The following KIF21A variants were observed in gnomAD, a reference collection of about 807,000 sequenced individuals.
KIF21A encodes the protein kinesin family member 21A, also known as kinesin-like protein KIF21A.
A neutral mutation model predicts 202.9 loss-of-function variants in KIF21A; 114 were observed. The ratio of observed to expected loss-of-function variants is 0.56; its 90% CI spans 0.48 to 0.66. The LOEUF is 0.66. KIF21A is among the 30% of genes least tolerant of loss of function. The pLI is 0.00. For missense variants in KIF21A, 1,677 were observed against 1,994.9 expected, an observed-to-expected ratio of 0.84 and a Z score of 3.04; for synonymous variants, 667 against 670.8, an observed-to-expected ratio of 0.99 and a Z score of 0.09.
intron 29 of KIF21A, among the ~76,000 whole-genome samples, chr12:39,316,370 A>G (rs1275931662): frequency 1.4e-4 from 19 of 140,684 alleles, no homozygotes; most frequent in Admixed American, 1.3e-3. Flanking sequence ...ATTCACCTTG[A>G]TAATTATCAC....
At chr12:39,416,675 A>G (rs1179076629) in intron 1 of KIF21A, among the ~76,000 whole-genome samples, 3 of 131,116 alleles carry the variant, frequency 2.3e-5, no homozygotes, top group Non-Finnish European at 4.6e-5. Context: ...ATATATGTAC[A>G]TATATATGTG....
chr12:39,372,244 G>C (rs1950014374), intron 1 of KIF21A, among the ~76,000 whole-genome samples: 1 of 152,172 alleles, frequency 6.6e-6, no homozygotes, highest in Admixed American at 6.5e-5. Flanking sequence ...AATTTTGTAT[G>C]CCTCAAAAAT....
At chr12:39,404,704 T>C (rs1356834269) in intron 1 of KIF21A, among the ~76,000 whole-genome samples, 3 of 152,172 alleles carry the variant, frequency 2.0e-5, no homozygotes, top group South Asian at 2.1e-4. Context: ...ATAATCATAA[T>C]CAATGCAAAT....
At chr12:39,339,094 T>C (rs570803768) in intron 16 of KIF21A, among the ~76,000 whole-genome samples, 19 of 151,996 alleles carry the variant, frequency 1.3e-4, no homozygotes, top group African/African-American at 4.1e-4. Flanking sequence ...GCCTGACCAA[T>C]ATGGTGAAAC....
intron 1 of KIF21A, among the ~76,000 whole-genome samples, chr12:39,411,048 T>C (rs1953043286): frequency 6.6e-6 from 1 of 152,212 alleles, no homozygotes; most frequent in Non-Finnish European, 1.5e-5. Context: ...CCTGCCTCTC[T>C]TCAAGGCCTA....
In KIF21A at chr12:39,363,194, A is replaced by G; in HGVS notation, c.923T>C (p.Ile308Thr). ...NCGLLALGNV[I>T]SALGDKSKRA... is the part of the protein sequence containing the mutation. ...CTTGCTCTTGTCTCCCAAGGCACTT[A>G]TTACATTGCCAAGTGCCAACTAAAA... Residue 308 changes from isoleucine to threonine, a missense_variant, in exon 7 of 38, where the codon ATA becomes ACA. Physicochemically the swap from Ile to Thr is moderately conservative, Grantham distance 89. Around this residue, in one of 3 missense-constraint regions of KIF21A, gnomAD observed 966 missense variants for 1,180.9 expected, o/e 0.82. Coordinates refer to ENST00000361418, the MANE Select transcript of KIF21A (RefSeq NM_001173464.2). 6.2e-7 allele frequency: 1 copy of G among 1,610,472 alleles called. No homozygotes were observed. Among genetic ancestry groups the G allele is most frequent in the Non-Finnish European group, 8.5e-7 (1 of 1,177,040 alleles).
intron 26 of KIF21A, 124 bp from the exon 27 acceptor site, chr12:39,323,006 C>CAGAGATTTATATGAGTTGGAAATAGGT: frequency 1.7e-6 from 1 of 584,500 alleles, no homozygotes; most frequent in Non-Finnish European, 2.7e-6. Flanking sequence ...CCTAGGTGTG[C>CAGAGATTTATATGAGTTGGAAATAGGT]CAAACATAGC....
chr12:39,400,969 A>G lies in KIF21A; in HGVS notation c.45-30708T>C, dbSNP rs76405622. 9.6e-3 allele frequency among the ~76,000 whole-genome samples: 1,457 copies of G among 152,252 alleles called. 23 individuals carry two copies. Among genetic ancestry groups the G allele is most frequent in the African/African-American group, 0.033 (1,370 of 41,554 alleles). ...AGACAAGTGATTTTTATATAATTAT[A>G]CTCATGGAAGCCAAACCAGAAGATT... On this transcript the variant is annotated intron_variant, in intron 1 of 37. Coordinates refer to ENST00000361418, the MANE Select transcript of KIF21A (RefSeq NM_001173464.2).
chr12:39,294,735 C>T (rs1021278883), intron 37 of KIF21A, among the ~76,000 whole-genome samples: 10 of 152,184 alleles, frequency 6.6e-5, no homozygotes, highest in African/African-American at 2.2e-4. Context: ...TTACCATGTG[C>T]CCTTTACATA....
intron 10 of KIF21A, among the ~76,000 whole-genome samples, chr12:39,353,452 A>T (rs1512936): frequency 0.34 from 51,000 of 152,040 alleles, 10,697 homozygotes; most frequent in African/African-American, 0.59. Flanking sequence ...GACTTCAAAA[A>T]TGTTTTAGAG....
chr12:39,339,115 C>A (rs538283209), intron 16 of KIF21A, among the ~76,000 whole-genome samples: 1 of 151,360 alleles, frequency 6.6e-6, no homozygotes, highest in South Asian at 2.1e-4. Context: ...CCTGTCTCCA[C>A]TAAAAATACA....
intron 6 of KIF21A, among the ~76,000 whole-genome samples, chr12:39,365,567 A>G (rs1235971116): frequency 4.6e-5 from 7 of 152,262 alleles, no homozygotes. Context: ...GCATGGTATT[A>G]AAGTTAATTC....
At chr12:39,423,870 G>T (rs1954521212) in intron 1 of KIF21A, among the ~76,000 whole-genome samples, 1 of 151,082 alleles carries the variant, frequency 6.6e-6, no homozygotes, top group Non-Finnish European at 1.5e-5. Flanking sequence ...TGTAGTCCTG[G>T]CTACTCAAGA....
At chr12:39,415,030 C>T (rs1351385088) in intron 1 of KIF21A, among the ~76,000 whole-genome samples, 1 of 149,326 alleles carries the variant, frequency 6.7e-6, no homozygotes, top group African/African-American at 2.5e-5. Flanking sequence ...CTGCAAGTAA[C>T]TGTTAGAGGT....
At chr12:39,380,736 G>C (rs755431826) in intron 1 of KIF21A, among the ~76,000 whole-genome samples, 1 of 151,902 alleles carries the variant, frequency 6.6e-6, no homozygotes, top group African/African-American at 2.4e-5. Flanking sequence ...AAGGAAGGAA[G>C]GTAGGTAGAT....
chr12:39,427,237 A>G (rs1012921769), intron 1 of KIF21A, among the ~76,000 whole-genome samples: 6 of 152,234 alleles, frequency 3.9e-5, no homozygotes, highest in Non-Finnish European at 7.3e-5. Context: ...CAGGGATGGA[A>G]GTTACTTATT....
chr12:39,331,299 T>C (rs1174882270), intron 22 of KIF21A, among the ~76,000 whole-genome samples: 3 of 152,186 alleles, frequency 2.0e-5, no homozygotes, highest in Non-Finnish European at 2.9e-5. Context: ...AGCATTTACA[T>C]TCAAAATAAG....
chr12:39,341,918 A>C, intron 13 of KIF21A, 116 bp downstream of exon 13: 1 of 761,370 alleles, frequency 1.3e-6, no homozygotes, highest in Admixed American at 2.0e-5. Flanking sequence ...GAAATAGATT[A>C]AACAGAATGC....
intron 34 of KIF21A, 65 bp from the exon 35 acceptor site, chr12:39,305,003 A>G: frequency 1.3e-6 from 1 of 772,558 alleles, no homozygotes; most frequent in Non-Finnish European, 2.3e-6. Flanking sequence ...ACTAAGCCTC[A>G]ACATAAACGA....
Sources: allele counts gnomAD v4.1 joint callset (sites outside exome capture counted in the v4.1 genomes callset), GRCh38; gene constraint gnomAD v4.1.1; regional missense constraint gnomAD v4.1.1; transcripts MANE v1.5; gene names NCBI Gene and HGNC (gene_info 2026-07-23, HGNC 2026-07-21).